TRPC4AP: variants seen among roughly 807,000 people sequenced by gnomAD.
The protein encoded by TRPC4AP is short transient receptor potential channel 4-associated protein.
TRPC4AP carries 45 observed loss-of-function variants against 99.0 expected under a neutral mutation model. The ratio of observed to expected loss-of-function variants is 0.45; its 90% CI spans 0.36 to 0.58. The LOEUF (loss-of-function observed/expected upper bound fraction) is 0.58, where lower values mean the gene tolerates loss of function less well. Ranked by LOEUF, TRPC4AP falls within the 20% of genes least tolerant of loss-of-function variation. TRPC4AP has a pLI of 0.00. For synonymous variants in TRPC4AP, 408 were observed against 385.8 expected, an observed-to-expected ratio of 1.06 and a Z score of -0.67; for missense variants, 879 against 985.3, an observed-to-expected ratio of 0.89 and a Z score of 1.44.
At chr20:35,054,926 G>T in intron 5 of TRPC4AP, 50 bp downstream of exon 5, 1 of 1,475,842 alleles carries the variant, frequency 6.8e-7, no homozygotes, top group Non-Finnish European at 9.4e-7. Context: ...CTTAAACATT[G>T]CAGACCTGGT....
intron 1 of TRPC4AP, among the ~76,000 whole-genome samples, chr20:35,083,115 C>G (rs577075191): frequency 3.3e-5 from 5 of 152,046 alleles, no homozygotes; most frequent in African/African-American, 1.2e-4. Flanking sequence ...AGTATACAAT[C>G]CAAAAGAACC....
At chr20:35,040,062 C>T (rs1461200758) in intron 7 of TRPC4AP, among the ~76,000 whole-genome samples, 2 of 152,076 alleles carry the variant, frequency 1.3e-5, no homozygotes, top group Non-Finnish European at 2.9e-5. Context: ...GCTTTCCATA[C>T]AGTTATGGAC....
Position 35,024,832 on chromosome 20 carries a change from A to C in TRPC4AP, c.1052-3476T>G, listed in dbSNP as rs1204376762. Reference sequence around the variant, plus strand: ...GACAGAGAGAGACCGTCTCAAAAAAAAAAAAAAAAAAAAAAAAAAAAAATT... The same window carrying C: ...GACAGAGAGAGACCGTCTCAAAAAACAAAAAAAAAAAAAAAAAAAAAAATT... On this transcript the variant is annotated intron_variant, in intron 8 of 18. Transcript: ENST00000252015. 2.4e-3 allele frequency among the ~76,000 whole-genome samples: 193 copies of C among 81,042 alleles called. 25 individuals carry two copies. Among genetic ancestry groups the C allele is most frequent in the Non-Finnish European group, 4.2e-3 (159 of 37,756 alleles). 53.2% of individuals were successfully genotyped at this position (81,042 alleles called of 152,430 possible).
chr20:35,065,392 C>T (rs1398079745), intron 3 of TRPC4AP, among the ~76,000 whole-genome samples: 1 of 152,218 alleles, frequency 6.6e-6, no homozygotes, highest in East Asian at 1.9e-4. Context: ...TAGTTACATA[C>T]TTCACATCTG....
intron 12 of TRPC4AP, among the ~76,000 whole-genome samples, chr20:35,009,422 A>G: frequency 6.6e-6 from 1 of 152,136 alleles, no homozygotes; most frequent in African/African-American, 2.4e-5. Context: ...TGGGAGGCTC[A>G]CTTGAGGCCA....
At chr20:35,011,656 C>G (rs1225793961) in intron 11 of TRPC4AP, among the ~76,000 whole-genome samples, 4 of 144,674 alleles carry the variant, frequency 2.8e-5, no homozygotes, top group African/African-American at 9.8e-5. Context: ...CTGTGACCCA[C>G]AACGTCCTGT....
intron 1 of TRPC4AP, among the ~76,000 whole-genome samples, chr20:35,079,959 C>T (rs888761862): frequency 1.4e-5 from 2 of 142,140 alleles, no homozygotes; most frequent in South Asian, 2.2e-4. Flanking sequence ...GAGAATGAGG[C>T]GGCAGTGAGC....
At chr20:35,029,031 C>T (rs2083100992) in intron 8 of TRPC4AP, among the ~76,000 whole-genome samples, 1 of 152,134 alleles carries the variant, frequency 6.6e-6, no homozygotes, top group Admixed American at 6.5e-5. Context: ...GCAGGCAGAT[C>T]ACCTGAGGCC....
At chr20:35,081,487 C>T (rs1270308519) in intron 1 of TRPC4AP, among the ~76,000 whole-genome samples, 2 of 150,660 alleles carry the variant, frequency 1.3e-5, no homozygotes, top group Non-Finnish European at 3.0e-5. Context: ...TACTCCAGCC[C>T]GGGCAACAGA....
chr20:35,059,763 A>G (rs769464886), intron 3 of TRPC4AP, among the ~76,000 whole-genome samples: 1 of 142,838 alleles, frequency 7.0e-6, no homozygotes, highest in Non-Finnish European at 1.5e-5. Context: ...AAGACGAAGA[A>G]GACGACGAAG....
rs780784877 is a variant in TRPC4AP, at chr20:35,089,721, C to T, written c.168+2893G>A. 2.0e-5 allele frequency among the ~76,000 whole-genome samples: 3 copies of T among 152,024 alleles called. No homozygotes were observed. The East Asian group carries it at 5.8e-4, about 29-fold the overall frequency. On this transcript the variant is annotated intron_variant, in intron 1 of 18. Coordinates refer to ENST00000252015, the MANE Select transcript of TRPC4AP (RefSeq NM_015638.3). ...AAAAGTAGCCAGGTGTGGTGGCACA[C>T]GACTGTAATCCCAGCTACTCAGGAG...
At chr20:35,068,958 C>CACACACA (rs1555914219) in intron 3 of TRPC4AP, among the ~76,000 whole-genome samples, 2 of 77,516 alleles carry the variant, frequency 2.6e-5, no homozygotes, top group Admixed American at 3.1e-4. Context: ...CACACACACA[C>CACACACA]ACACACACAC....
chr20:35,062,611 G>A (rs941155944), intron 3 of TRPC4AP, among the ~76,000 whole-genome samples: 1 of 152,234 alleles, frequency 6.6e-6, no homozygotes, highest in Non-Finnish European at 1.5e-5. Flanking sequence ...CTCCATTTAT[G>A]TGAAATGTCC....
rs1420275554 is a variant in TRPC4AP, at chr20:35,050,000, A to C, written c.529-6T>G. The stretch of plus-strand genomic sequence containing the variant: ...CGCTTTGTAACTCCCTCTGTCTGTC[A>C]CAAGAAGAAAAGGCAGAATAGGTTG... On this transcript the variant is annotated splice_polypyrimidine_tract_variant and splice_region_variant and intron_variant, in intron 5 of 18. Transcript: ENST00000252015. 6.2e-7 allele frequency: 1 copy of C among 1,612,846 alleles called. No individual in the cohort carries two copies. Among genetic ancestry groups the C allele is most frequent in the Non-Finnish European group, 8.5e-7 (1 of 1,179,484 alleles).
At chr20:35,036,677 T>A (rs775713764) in intron 7 of TRPC4AP, among the ~76,000 whole-genome samples, 2 of 152,168 alleles carry the variant, frequency 1.3e-5, no homozygotes, top group Non-Finnish European at 2.9e-5. Context: ...CCAGGCACGG[T>A]GGCTCATGCC....
intron 8 of TRPC4AP, among the ~76,000 whole-genome samples, chr20:35,028,027 T>C (rs1411061951): frequency 6.6e-6 from 1 of 152,174 alleles, no homozygotes; most frequent in Non-Finnish European, 1.5e-5. Flanking sequence ...ACTCTAATCC[T>C]ATTACTTCCT....
At chr20:35,092,567 T>C in intron 1 of TRPC4AP, 47 bp downstream of exon 1, 8 of 1,209,898 alleles carry the variant, frequency 6.6e-6, no homozygotes, top group African/African-American at 1.6e-5. Context: ...CCCCGCCAGC[T>C]CCCGCCTGGT....
chr20:35,023,711 T>C (rs1014762101), intron 8 of TRPC4AP, among the ~76,000 whole-genome samples: 5 of 152,236 alleles, frequency 3.3e-5, no homozygotes, highest in Non-Finnish European at 5.9e-5. Context: ...TGTCGTGCAC[T>C]GCTGTGAGAC....
chr20:35,007,649 C>A lies in TRPC4AP; in HGVS notation c.1596-9G>T. 1.2e-6 allele frequency: 2 copies of A among 1,614,168 alleles called. No individual in the cohort carries two copies. The highest frequency in any genetic ancestry group is 1.7e-6 in the Non-Finnish European group (2 of 1,179,992). On this transcript the variant is annotated splice_polypyrimidine_tract_variant and intron_variant, in intron 13 of 18. Coordinates refer to ENST00000252015, the MANE Select transcript of TRPC4AP (RefSeq NM_015638.3). ...CCCGAGCTTGCCAAAACCTGCGACCCAAATACTGGCTCAGGTGGCTAAGGC... is the reference window on the plus strand; with the variant it reads ...CCCGAGCTTGCCAAAACCTGCGACCAAAATACTGGCTCAGGTGGCTAAGGC...
Sources: gnomAD v4.1 joint callset for allele counts (sites outside exome capture counted in the v4.1 genomes callset) on GRCh38, gnomAD v4.1.1 for gene constraint, MANE v1.5 for transcripts, NCBI Gene and HGNC (gene_info 2026-07-23, HGNC 2026-07-21) for gene names.